The following FLT3 variants were observed in gnomAD, a reference collection of about 807,000 sequenced individuals.
FLT3 encodes the protein fms related receptor tyrosine kinase 3.
Under a neutral mutation model 126.6 loss-of-function variants are expected in FLT3, and 46 were observed. The observed-to-expected ratio is 0.36, with a 90% confidence interval of 0.29 to 0.46. FLT3 has a LOEUF of 0.46. Among genes scored for constraint, FLT3 ranks in the 20% least tolerant of loss-of-function variants. The probability of loss-of-function intolerance (pLI) is 1.00; values close to 1 mark genes in which losing one functional copy is unlikely to be tolerated. For missense variants in FLT3, 1,069 were observed against 1,190.3 expected (o/e 0.90, Z 1.50); for synonymous variants, 404 against 434.4 (o/e 0.93, Z 0.87).
At chr13:28,031,774 C>G (rs1873371414) in intron 15 of FLT3, among the ~76,000 whole-genome samples, 3 of 152,138 alleles carry the variant, frequency 2.0e-5, no homozygotes, top group Admixed American at 2.0e-4. Flanking sequence ...GGCCAGCGCT[C>G]TGGGGTGCCG....
chr13:28,056,176 A>G (rs1049070897), intron 4 of FLT3, among the ~76,000 whole-genome samples: 2 of 152,164 alleles, frequency 1.3e-5, no homozygotes, highest in Non-Finnish European at 2.9e-5. Flanking sequence ...CACAAGACCC[A>G]GGGCAGTGTG....
chr13:28,012,415 A>C (rs890068994), intron 23 of FLT3, among the ~76,000 whole-genome samples: 12 of 152,000 alleles, frequency 7.9e-5, no homozygotes, highest in African/African-American at 2.4e-4. Context: ...CGAGCTTTGC[A>C]CTTTTTTTTC....
intron 23 of FLT3, among the ~76,000 whole-genome samples, chr13:28,010,381 C>T (rs1314086491): frequency 6.6e-6 from 1 of 152,194 alleles, no homozygotes; most frequent in East Asian, 1.9e-4. Context: ...ATTTGAGTCT[C>T]ACATGGAGTT....
Position 28,037,195 on chromosome 13 carries a change from C to T in FLT3, c.1299G>A (p.Leu433=), listed in dbSNP as rs1359480250. 1.9e-6 allele frequency: 3 copies of T among 1,558,764 alleles called. No homozygotes were observed. The highest frequency in any genetic ancestry group is 2.7e-6 in the Non-Finnish European group (3 of 1,130,292). The change falls in exon 10 of 24, where the codon CTG becomes CTA. Residue 433 remains leucine (L), a synonymous_variant. Coordinates refer to ENST00000241453, the MANE Select transcript of FLT3 (RefSeq NM_004119.3). ...DDAQFTKMFT[L]NIRRKPQVLA... ...GGCAATTTAACTTACTTCTTATATT[C>T]AGCGTGAACATTTTGGTAAATTGGG...
At chr13:28,074,871 T>C (rs1877816494) in intron 1 of FLT3, among the ~76,000 whole-genome samples, 1 of 152,112 alleles carries the variant, frequency 6.6e-6, no homozygotes, top group Admixed American at 6.6e-5. Context: ...TAGGCTCAAG[T>C]TGTCTGCCCA....
intron 12 of FLT3, 44 bp downstream of exon 12, chr13:28,035,451 G>A (rs772278392): frequency 6.4e-7 from 1 of 1,573,580 alleles, no homozygotes; most frequent in South Asian, 1.2e-5. Context: ...AACTTCTAGT[G>A]GGGAATTCCT....
intron 2 of FLT3, among the ~76,000 whole-genome samples, chr13:28,067,263 T>C (rs1877118256): frequency 6.6e-6 from 1 of 152,334 alleles, no homozygotes; most frequent in African/African-American, 2.4e-5. Context: ...CCTCAGGTGA[T>C]CCACCTGCCT....
chr13:28,099,925 T>TG (rs1333540524), intron 1 of FLT3, among the ~76,000 whole-genome samples: 9 of 152,270 alleles, frequency 5.9e-5, no homozygotes, highest in Admixed American at 3.9e-4. Flanking sequence ...TCGGCGGGGC[T>TG]GGGGGGTATC....
chr13:28,026,083 G>A, intron 17 of FLT3, among the ~76,000 whole-genome samples: 1 of 152,144 alleles, frequency 6.6e-6, no homozygotes, highest in Non-Finnish European at 1.5e-5. Flanking sequence ...AGGTGCGGTG[G>A]CTCATGCCTA....
At chr13:28,087,895 A>G (rs1323273338) in intron 1 of FLT3, among the ~76,000 whole-genome samples, 2 of 152,176 alleles carry the variant, frequency 1.3e-5, no homozygotes, top group Admixed American at 6.5e-5. Context: ...AACATGTACA[A>G]TCTTTCCTCA....
intron 1 of FLT3, among the ~76,000 whole-genome samples, chr13:28,098,440 T>C (rs1438989449): frequency 1.3e-5 from 2 of 152,142 alleles, no homozygotes; most frequent in Non-Finnish European, 2.9e-5. Context: ...TCTCACTTTA[T>C]CCTTCTTTAT....
At chr13:28,033,152 C>CAAAAA (rs755989941) in intron 15 of FLT3, among the ~76,000 whole-genome samples, 2 of 138,334 alleles carry the variant, frequency 1.4e-5, no homozygotes, top group Non-Finnish European at 3.1e-5. Context: ...ACCGTATCTA[C>CAAAAA]AAAAAAAAAA....
rs138046708 is a variant in FLT3, at chr13:28,045,092, T to C, written c.1205+3183A>G. On this transcript the variant is annotated intron_variant, in intron 9 of 23. Transcript: ENST00000241453. ...CCTAATTCATTCATTTGGCTACCTC[T>C]ATAGGATAACAATCTGGGGTCATGG... is the stretch of plus-strand genomic sequence containing the variant. 3.3e-3 allele frequency among the ~76,000 whole-genome samples: 505 copies of C among 152,310 alleles called. 2 individuals carry two copies. Among genetic ancestry groups the C allele is most frequent in the Non-Finnish European group, 5.7e-3 (389 of 68,028 alleles).
At chr13:28,039,106 G>A (rs116850180) in intron 9 of FLT3, among the ~76,000 whole-genome samples, 13 of 152,282 alleles carry the variant, frequency 8.5e-5, no homozygotes, top group Non-Finnish European at 1.5e-4. Flanking sequence ...ACAAAGCAGC[G>A]ACTGAAGGCG....
intron 2 of FLT3, among the ~76,000 whole-genome samples, chr13:28,066,142 G>A (rs779576297): frequency 6.6e-6 from 1 of 152,112 alleles, no homozygotes; most frequent in Non-Finnish European, 1.5e-5. Flanking sequence ...ACTAACCTAA[G>A]TAACTTCAGA....
At chr13:28,010,627 C>T (rs1206833201) in intron 23 of FLT3, among the ~76,000 whole-genome samples, 1 of 152,200 alleles carries the variant, frequency 6.6e-6, no homozygotes, top group Non-Finnish European at 1.5e-5. Flanking sequence ...ACATAAAAGC[C>T]TTAACCTATG....
intron 1 of FLT3, among the ~76,000 whole-genome samples, chr13:28,073,952 A>G (rs111237065): frequency 0.042 from 4,715 of 111,244 alleles, 257 homozygotes; most frequent in African/African-American, 0.12. Flanking sequence ...AAAAAAAAAA[A>G]AAAAGAAAAG....
At chr13:28,013,746 C>T (rs1336361794) in intron 23 of FLT3, among the ~76,000 whole-genome samples, 1 of 152,218 alleles carries the variant, frequency 6.6e-6, no homozygotes, top group Non-Finnish European at 1.5e-5. Flanking sequence ...ACCCTCAGAA[C>T]TCCAGGTCAA....
In FLT3 at chr13:28,058,076, A is replaced by G. The variant is rs576236549; in HGVS notation, c.369-614T>C. 3.3e-5 allele frequency among the ~76,000 whole-genome samples: 5 copies of G among 151,476 alleles called. No homozygotes were observed. The East Asian group carries it at 9.8e-4, about 30-fold the overall frequency. ...GAAAAAACAACAACAAAAGCACAGT[A>G]AGCTGGGTGCAGTGGCTCACACATG... On this transcript the variant is annotated intron_variant, in intron 3 of 23. Coordinates refer to ENST00000241453, the MANE Select transcript of FLT3 (RefSeq NM_004119.3).
Sources: gnomAD v4.1 joint callset for allele counts (sites outside exome capture counted in the v4.1 genomes callset) on GRCh38, gnomAD v4.1.1 for gene constraint, MANE v1.5 for transcripts, NCBI Gene and HGNC (gene_info 2026-07-23, HGNC 2026-07-21) for gene names.